Variants in CPLANE1 observed in about 807,000 individuals in gnomAD.
CPLANE1 encodes the protein ciliogenesis and planar polarity effector 1.
A neutral mutation model predicts 362.5 loss-of-function variants in CPLANE1; 263 were observed. The ratio of observed to expected loss-of-function variants is 0.73; its 90% CI spans 0.66 to 0.80. CPLANE1 has a LOEUF of 0.80. Among genes scored for constraint, CPLANE1 ranks in the 30% least tolerant of loss-of-function variants. The pLI is 0.00. For synonymous variants in CPLANE1, 1,212 were observed against 1,302.6 expected (o/e 0.93, Z 1.50); for missense variants, 3,461 against 3,793.4 (o/e 0.91, Z 2.30).
At chr5:37,196,990 A>G (rs1448760975) in intron 20 of CPLANE1, among the ~76,000 whole-genome samples, 1 of 152,002 alleles carries the variant, frequency 6.6e-6, no homozygotes, top group East Asian at 1.9e-4. Flanking sequence ...CTCTACCTCA[A>G]TGAGCACAGA....
intron 21 of CPLANE1, among the ~76,000 whole-genome samples, chr5:37,191,860 A>G (rs1433413822): frequency 6.6e-6 from 1 of 152,228 alleles, no homozygotes; most frequent in East Asian, 1.9e-4. Flanking sequence ...TTTTAAGTTC[A>G]TAAAGTAAAA....
Position 37,183,382 on chromosome 5 carries a change from A to G in CPLANE1, c.4799T>C (p.Leu1600Ser). Residue 1600 changes from leucine (L) to serine (S), a missense_variant, in exon 26 of 53, where the codon TTA becomes TCA. Around this residue, in one of 2 missense-constraint regions of CPLANE1, gnomAD observed 3,380 missense variants for 3,666.1 expected, o/e 0.92. Coordinates refer to ENST00000651892, the MANE Select transcript of CPLANE1 (RefSeq NM_001384732.1). ...TTTAGTTTTGCTCTGATGTCGTTTT[A>G]ATGTTGTATGTACATCAAAAAGTAA... is the stretch of plus-strand genomic sequence containing the variant. ...NSLLFDVHTT[L>S]KRHQSKTKSQ... 6.2e-7 allele frequency: 1 copy of G among 1,612,702 alleles called. No homozygotes were observed. Among genetic ancestry groups the G allele is most frequent in the Non-Finnish European group, 8.5e-7 (1 of 1,179,610 alleles).
intron 26 of CPLANE1, 66 bp from the exon 27 acceptor site, chr5:37,181,071 T>G: frequency 7.5e-7 from 1 of 1,334,448 alleles, no homozygotes; most frequent in Non-Finnish European, 1.0e-6. Context: ...TATTTTAAAA[T>G]TATTCATTCT....
At chr5:37,234,538 A>G (rs1798508368) in intron 8 of CPLANE1, among the ~76,000 whole-genome samples, 1 of 151,816 alleles carries the variant, frequency 6.6e-6, no homozygotes, top group South Asian at 2.1e-4. Flanking sequence ...AGCCTTCAAG[A>G]GGTCTGGGAG....
intron 46 of CPLANE1, among the ~76,000 whole-genome samples, chr5:37,126,167 A>T (rs1764075390): frequency 6.6e-6 from 1 of 152,190 alleles, no homozygotes; most frequent in Non-Finnish European, 1.5e-5. Context: ...TGAGCCTGGG[A>T]GGTCGAAGCT....
Position 37,209,455 on chromosome 5 carries a change from G to A in CPLANE1, c.2921-3030C>T. The A allele has an allele frequency of 7.6e-6, 10 of 1,308,646 alleles. No homozygotes were observed. The highest frequency in any genetic ancestry group is 1.1e-5 in the Non-Finnish European group (10 of 903,512). 81.1% of individuals were successfully genotyped at this position (1,308,646 alleles called of 1,614,324 possible). ...CTATACCAGACATTTAAGGATCGGGGTATACTGGAAACACTCAAGATACAA... is the reference window on the plus strand; with the variant it reads ...CTATACCAGACATTTAAGGATCGGGATATACTGGAAACACTCAAGATACAA... On this transcript the variant is annotated intron_variant, in intron 16 of 52. Transcript: ENST00000651892. This position sits in a 1 kb window ranked among gnomAD's most constrained non-coding sequence, Gnocchi z 4.6.
Position 37,187,630 on chromosome 5 carries a change from G to A in CPLANE1, c.3922-58C>T, listed in dbSNP as rs746443172. 132 of 1,559,782 alleles carry A rather than the reference G, an allele frequency of 8.5e-5. No individual in the cohort carries two copies. In the Middle Eastern group the frequency reaches 1.9e-3, roughly 22 times the overall value. On this transcript the variant is annotated intron_variant, in intron 22 of 52. Transcript: ENST00000651892. ...TTTAGTTTAGATGGTAGACCAGAAT[G>A]AGTTCAAAAGAAAGTTTTGCTACAA... is the stretch of plus-strand genomic sequence containing the variant.
intron 26 of CPLANE1, among the ~76,000 whole-genome samples, chr5:37,182,483 A>G (rs1580495086): frequency 6.6e-6 from 1 of 152,344 alleles, no homozygotes; most frequent in East Asian, 1.9e-4. Context: ...TATACGTGTA[A>G]TACCACTTGT....
At chr5:37,193,144 G>A (rs1350810569) in intron 21 of CPLANE1, among the ~76,000 whole-genome samples, 1 of 151,926 alleles carries the variant, frequency 6.6e-6, no homozygotes, top group African/African-American at 2.4e-5. Context: ...ACTCCAGCCT[G>A]GGCGACAGTG....
chr5:37,103,499 T>G (rs1757396804), downstream of CPLANE1, among the ~76,000 whole-genome samples: 1 of 152,236 alleles, frequency 6.6e-6, no homozygotes, highest in Non-Finnish European at 1.5e-5. Flanking sequence ...TTGTAGTGGC[T>G]GGTAATGGTT....
intron 19 of CPLANE1, among the ~76,000 whole-genome samples, chr5:37,200,859 T>C (rs894864473): frequency 1.3e-5 from 2 of 152,200 alleles, no homozygotes; most frequent in Admixed American, 1.3e-4. Flanking sequence ...AGTTTTGCTC[T>C]GTCACCCAGG....
intron 46 of CPLANE1, among the ~76,000 whole-genome samples, chr5:37,135,160 T>C (rs903817216): frequency 2.0e-5 from 3 of 152,188 alleles, no homozygotes; most frequent in African/African-American, 7.2e-5. Flanking sequence ...GTCTTCGTTT[T>C]CATTTATTTC....
At chr5:37,163,400 A>C (rs1247482898) in intron 37 of CPLANE1, among the ~76,000 whole-genome samples, 1 of 152,176 alleles carries the variant, frequency 6.6e-6, no homozygotes, top group Non-Finnish European at 1.5e-5. Context: ...CAGAGTAGAA[A>C]TAATGAATTC....
downstream of CPLANE1, among the ~76,000 whole-genome samples, chr5:37,102,825 T>G (rs977761711): frequency 2.0e-5 from 3 of 152,206 alleles, no homozygotes; most frequent in Admixed American, 2.0e-4. Flanking sequence ...TCCAATTATG[T>G]GATCAATTTT....
intron 48 of CPLANE1, 122 bp downstream of exon 48, chr5:37,122,308 C>T: frequency 1.3e-6 from 1 of 780,748 alleles, no homozygotes. Flanking sequence ...TGATAACTCC[C>T]ATAATTCTCT....
Position 37,131,041 on chromosome 5 carries a change from G to A in CPLANE1, c.8793-5632C>T, listed in dbSNP as rs80285553. 7.9e-5 allele frequency among the ~76,000 whole-genome samples: 12 copies of A among 152,270 alleles called. No homozygotes were observed. In the East Asian group the frequency reaches 1.9e-3, roughly 24 times the overall value. On this transcript the variant is annotated intron_variant, in intron 46 of 52. Coordinates refer to ENST00000651892, the MANE Select transcript of CPLANE1 (RefSeq NM_001384732.1). Reference sequence around the variant, plus strand: ...GAAGAACATACAGAAATAGTTTCACGGCAGTAAAAATGTAAGTCGAAGAAG... The same window carrying A: ...GAAGAACATACAGAAATAGTTTCACAGCAGTAAAAATGTAAGTCGAAGAAG...
At chr5:37,116,756 G>A (rs1342189797) in intron 50 of CPLANE1, among the ~76,000 whole-genome samples, 3 of 152,154 alleles carry the variant, frequency 2.0e-5, no homozygotes, top group African/African-American at 7.2e-5. Flanking sequence ...ATTTACGAAT[G>A]AACTACAGTG....
chr5:37,211,047 A>C, intron 16 of CPLANE1: 1 of 832,334 alleles, frequency 1.2e-6, no homozygotes, highest in Non-Finnish European at 2.1e-6. Flanking sequence ...CTGCAATCCA[A>C]AGCAGTCTGT....
the CPLANE1 span, among the ~76,000 whole-genome samples, chr5:37,098,565 T>C: frequency 2.0e-5 from 3 of 152,182 alleles, no homozygotes; most frequent in African/African-American, 7.2e-5. Flanking sequence ...GTATATATTC[T>C]TCTCATCAGC....
Sources: allele counts gnomAD v4.1 joint callset (sites outside exome capture counted in the v4.1 genomes callset), GRCh38; gene constraint gnomAD v4.1.1; regional missense constraint gnomAD v4.1.1; non-coding constraint Gnocchi (gnomAD v3.1); transcripts MANE v1.5; gene names NCBI Gene and HGNC (gene_info 2026-07-23, HGNC 2026-07-21).